TMEM163: variants seen among roughly 807,000 people sequenced by gnomAD.
The protein encoded by TMEM163 is transmembrane protein 163.
TMEM163 carries 17 observed loss-of-function variants against 29.3 expected under a neutral mutation model. The ratio of observed to expected loss-of-function variants is 0.58; its 90% CI spans 0.40 to 0.87. TMEM163 has a LOEUF of 0.87. Among genes scored for constraint, TMEM163 ranks in the 40% least tolerant of loss-of-function variants. The pLI is 0.00. For synonymous variants in TMEM163, 157 were observed against 160.6 expected (o/e 0.98, Z 0.17); for missense variants, 303 against 381.5 (o/e 0.79, Z 1.71).
At chr2:134,567,463 G>A (rs1352717914) in intron 2 of TMEM163, among the ~76,000 whole-genome samples, 6 of 152,088 alleles carry the variant, frequency 3.9e-5, no homozygotes, top group African/African-American at 1.2e-4. Flanking sequence ...AGGCCGAGGC[G>A]GGAGGATCAC....
At chr2:134,464,674 G>A (rs1029530059) in intron 6 of TMEM163, among the ~76,000 whole-genome samples, 3 of 152,012 alleles carry the variant, frequency 2.0e-5, no homozygotes, top group African/African-American at 4.8e-5. Context: ...GGGAGCAGGC[G>A]GTGGGCACAG....
intron 2 of TMEM163, among the ~76,000 whole-genome samples, chr2:134,561,552 T>C (rs982727336): frequency 6.6e-6 from 1 of 152,290 alleles, no homozygotes; most frequent in South Asian, 2.1e-4. Flanking sequence ...GGTTTCACCG[T>C]GTTAGCCAGG....
chr2:134,540,686 CA>C (rs1290669171), intron 4 of TMEM163, among the ~76,000 whole-genome samples: 1 of 152,306 alleles, frequency 6.6e-6, no homozygotes, highest in East Asian at 1.9e-4. Flanking sequence ...CATCACTAAC[CA>C]GGAGCCTTCA....
intron 2 of TMEM163, among the ~76,000 whole-genome samples, chr2:134,618,600 A>G: frequency 6.6e-6 from 1 of 152,154 alleles, no homozygotes; most frequent in Non-Finnish European, 1.5e-5. Context: ...TTTCAGATGC[A>G]TATGGAACAT....
chr2:134,707,408 G>A (rs951381684), intron 2 of TMEM163, among the ~76,000 whole-genome samples: 1 of 152,240 alleles, frequency 6.6e-6, no homozygotes, highest in African/African-American at 2.4e-5. Context: ...GGAAGAGAGA[G>A]ACTTTAGGAC....
intron 4 of TMEM163, among the ~76,000 whole-genome samples, chr2:134,521,907 T>C (rs1238363278): frequency 6.6e-6 from 1 of 152,118 alleles, no homozygotes; most frequent in Non-Finnish European, 1.5e-5. Flanking sequence ...AGACAGATAT[T>C]TAAGCAGTCG....
rs574146295 is a variant in TMEM163 at position 134,602,911 on chromosome 2, AG to A, written c.323-50821del. On this transcript the variant is annotated intron_variant, in intron 2 of 7. Coordinates refer to ENST00000281924, the MANE Select transcript of TMEM163 (RefSeq NM_030923.5). ...TTCAGCTCCCACTTACACACTCCTG[AG>A]TCTACCACCTGTATCTCAGTCCTCA... 1.7e-3 allele frequency among the ~76,000 whole-genome samples: 252 copies of A among 152,076 alleles called. 3 individuals carry two copies. Among genetic ancestry groups the A allele is most frequent in the African/African-American group, 5.7e-3 (236 of 41,478 alleles).
At chr2:134,550,425 G>T in intron 4 of TMEM163, 145 bp downstream of exon 4, 2 of 670,080 alleles carry the variant, frequency 3.0e-6, no homozygotes, top group Non-Finnish European at 5.3e-6. Context: ...GGCTGGCATT[G>T]CACTAGTCAC....
chr2:134,565,467 G>T (rs1438873411), intron 2 of TMEM163, among the ~76,000 whole-genome samples: 2 of 152,030 alleles, frequency 1.3e-5, no homozygotes, highest in Non-Finnish European at 2.9e-5. Flanking sequence ...TTAGCCAGGC[G>T]TGGTGGCAGG....
At chr2:134,565,294 G>A (rs563168868) in intron 2 of TMEM163, among the ~76,000 whole-genome samples, 3 of 151,722 alleles carry the variant, frequency 2.0e-5, no homozygotes, top group African/African-American at 7.3e-5. Context: ...TCCATCCCTA[G>A]ATATATACTC....
intron 2 of TMEM163, among the ~76,000 whole-genome samples, chr2:134,678,285 A>T (rs1684157648): frequency 6.6e-6 from 1 of 152,146 alleles, no homozygotes; most frequent in South Asian, 2.1e-4. Context: ...GAGCAATCTC[A>T]CTGTGTAAAT....
intron 2 of TMEM163, among the ~76,000 whole-genome samples, 159 bp from the exon 3 acceptor site, chr2:134,552,250 G>T (rs1220461783): frequency 6.6e-6 from 1 of 152,104 alleles, no homozygotes; most frequent in East Asian, 1.9e-4. Context: ...TTTTAAAAAT[G>T]AAGAGTGAAC....
chr2:134,511,328 C>T (rs1049148758), intron 4 of TMEM163, among the ~76,000 whole-genome samples: 10 of 152,168 alleles, frequency 6.6e-5, no homozygotes, highest in African/African-American at 2.4e-4. Context: ...CCAGCATGCT[C>T]AACCTACGGC....
At chr2:134,514,689 C>G (rs1680019805) in intron 4 of TMEM163, among the ~76,000 whole-genome samples, 2 of 152,192 alleles carry the variant, frequency 1.3e-5, no homozygotes, top group African/African-American at 4.8e-5. Flanking sequence ...ATCAATTGCT[C>G]TCAACCTCAC....
chr2:134,682,046 C>G (rs541084183), intron 2 of TMEM163, among the ~76,000 whole-genome samples: 1 of 152,110 alleles, frequency 6.6e-6, no homozygotes, highest in Non-Finnish European at 1.5e-5. Flanking sequence ...CCCAAAGGAT[C>G]CTACGTAGTC....
intron 2 of TMEM163, among the ~76,000 whole-genome samples, chr2:134,665,022 C>T (rs547023749): frequency 1.3e-5 from 2 of 152,234 alleles, no homozygotes; most frequent in Admixed American, 1.3e-4. Context: ...TACAGGAGTG[C>T]ACCACCATGC....
intron 2 of TMEM163, among the ~76,000 whole-genome samples, chr2:134,605,180 C>CAAA (rs754781954): frequency 3.8e-5 from 4 of 105,196 alleles, no homozygotes; most frequent in Admixed American, 9.9e-5. Context: ...TGGTCTCCAG[C>CAAA]AAAAAAAAAA....
At chr2:134,463,008 C>A (rs1686583593) in intron 6 of TMEM163, among the ~76,000 whole-genome samples, 1 of 152,228 alleles carries the variant, frequency 6.6e-6, no homozygotes, top group Non-Finnish European at 1.5e-5. Flanking sequence ...TGCCTGGGAA[C>A]CAGCCGAGGA....
intron 2 of TMEM163, among the ~76,000 whole-genome samples, chr2:134,564,292 G>C (rs1349854524): frequency 6.6e-6 from 1 of 152,140 alleles, no homozygotes; most frequent in East Asian, 1.9e-4. Context: ...GGGAAAGAAA[G>C]TTCTTTTCAA....
Sources: allele counts gnomAD v4.1 joint callset (sites outside exome capture counted in the v4.1 genomes callset), GRCh38; gene constraint gnomAD v4.1.1; transcripts MANE v1.5; gene names NCBI Gene and HGNC (gene_info 2026-07-23, HGNC 2026-07-21).